FAM184A: variants seen among roughly 807,000 people sequenced by gnomAD.
The protein encoded by FAM184A is family with sequence similarity 184 member A, also known as protein FAM184A.
FAM184A carries 99 observed loss-of-function variants against 143.8 expected under a neutral mutation model. That is an observed-to-expected ratio of 0.69 (90% CI 0.58 to 0.81). The LOEUF (loss-of-function observed/expected upper bound fraction) is 0.81, where lower values mean the gene tolerates loss of function less well. FAM184A is among the 40% of genes least tolerant of loss of function. The pLI, the probability that FAM184A is intolerant of heterozygous loss-of-function variation, is 0.00. For synonymous variants in FAM184A, 427 were observed against 446.4 expected, an observed-to-expected ratio of 0.96 and a Z score of 0.55; for missense variants, 1,217 against 1,310.5, an observed-to-expected ratio of 0.93 and a Z score of 1.10.
At chr6:119,010,641 T>C (rs1275757400) in intron 6 of FAM184A, among the ~76,000 whole-genome samples, 1 of 152,182 alleles carries the variant, frequency 6.6e-6, no homozygotes, top group Non-Finnish European at 1.5e-5. Context: ...CTTTTTAAAT[T>C]TTGCTTATGG....
At chr6:119,021,358 T>C (rs1446569703) in intron 3 of FAM184A, among the ~76,000 whole-genome samples, 1 of 152,148 alleles carries the variant, frequency 6.6e-6, no homozygotes, top group African/African-American at 2.4e-5. Context: ...ACCCACTTCC[T>C]CCAGTAATGG....
intron 1 of FAM184A, among the ~76,000 whole-genome samples, chr6:119,071,210 G>A (rs562010943): frequency 4.0e-4 from 61 of 152,144 alleles, no homozygotes; most frequent in African/African-American, 1.4e-3. Flanking sequence ...GGCTAGCAAA[G>A]GATTTTCATA....
chr6:119,088,152 C>A (rs1788276003), intron 1 of FAM184A, among the ~76,000 whole-genome samples: 1 of 152,010 alleles, frequency 6.6e-6, no homozygotes, highest in African/African-American at 2.4e-5. Context: ...GAAAAAGGTC[C>A]AGAAATGAAT....
intron 9 of FAM184A, among the ~76,000 whole-genome samples, chr6:118,998,688 G>A (rs561846002): frequency 6.6e-6 from 1 of 152,326 alleles, no homozygotes; most frequent in South Asian, 2.1e-4. Context: ...GGGACTGGTA[G>A]GTGCAAAGTC....
chr6:119,041,800 T>C (rs904649526), intron 1 of FAM184A, among the ~76,000 whole-genome samples: 3 of 152,220 alleles, frequency 2.0e-5, no homozygotes, highest in Non-Finnish European at 2.9e-5. Context: ...CCATTGGTCC[T>C]GCACGGCTAA....
At chr6:119,021,035 T>G (rs1267711482) in intron 3 of FAM184A, among the ~76,000 whole-genome samples, 1 of 152,018 alleles carries the variant, frequency 6.6e-6, no homozygotes, top group Non-Finnish European at 1.5e-5. Flanking sequence ...AAGGCAGAGG[T>G]TCTCAAAGTA....
At chr6:119,124,558 C>A (rs1331958312) in intron 1 of FAM184A, among the ~76,000 whole-genome samples, 1 of 151,946 alleles carries the variant, frequency 6.6e-6, no homozygotes, top group African/African-American at 2.4e-5. Flanking sequence ...TTAAAAAGAC[C>A]ATTATATGCT....
chr6:119,077,196 T>TACAGTTGAG (rs1462087823), intron 1 of FAM184A, among the ~76,000 whole-genome samples: 5 of 152,188 alleles, frequency 3.3e-5, no homozygotes, highest in Admixed American at 3.3e-4. Flanking sequence ...GTGAGAACTT[T>TACAGTTGAG]ACAGTTGAGT....
At chr6:119,016,718 A>G (rs965683743) in intron 5 of FAM184A, 29 bp downstream of exon 5, 2 of 1,560,844 alleles carry the variant, frequency 1.3e-6, no homozygotes, top group East Asian at 2.2e-5. Flanking sequence ...TCAATTTACA[A>G]TGCAATGATA....
chr6:119,030,124 G>T (rs1329398354), intron 1 of FAM184A, among the ~76,000 whole-genome samples: 1 of 152,062 alleles, frequency 6.6e-6, no homozygotes, highest in African/African-American at 2.4e-5. Context: ...TTTTATAAAA[G>T]AATATATATT....
At chr6:119,007,802 G>A (rs146050114) in intron 6 of FAM184A, among the ~76,000 whole-genome samples, 3,217 of 152,210 alleles carry the variant, frequency 0.021, 56 homozygotes, top group Middle Eastern at 0.037. Context: ...GTAGCCGGGT[G>A]TGGTGGCGCG....
chr6:119,084,512 C>A (rs1788162803), intron 1 of FAM184A, among the ~76,000 whole-genome samples: 1 of 152,214 alleles, frequency 6.6e-6, no homozygotes, highest in African/African-American at 2.4e-5. Context: ...AGGGTTCAGG[C>A]CCCACAGTTG....
chr6:119,067,316 T>C (rs1787492295), intron 1 of FAM184A, among the ~76,000 whole-genome samples: 1 of 152,162 alleles, frequency 6.6e-6, no homozygotes, highest in African/African-American at 2.4e-5. Context: ...TGAGGGTGTT[T>C]AGGGTGGTAA....
At chr6:118,978,147 G>C (rs1246816707) in intron 11 of FAM184A, among the ~76,000 whole-genome samples, 1 of 152,048 alleles carries the variant, frequency 6.6e-6, no homozygotes, top group African/African-American at 2.4e-5. Context: ...ATTTTTAGTA[G>C]AGATGCAGTT....
intron 1 of FAM184A, among the ~76,000 whole-genome samples, chr6:119,121,628 A>G (rs1255287079): frequency 1.3e-5 from 2 of 152,202 alleles, no homozygotes; most frequent in African/African-American, 4.8e-5. Flanking sequence ...CTGACATTCT[A>G]ATGAGGACAT....
intron 1 of FAM184A, among the ~76,000 whole-genome samples, chr6:119,113,409 A>G (rs148359049): frequency 1.3e-5 from 2 of 151,996 alleles, no homozygotes; most frequent in East Asian, 3.9e-4. Flanking sequence ...TGGTGCCTGG[A>G]TGTGGAGACT....
chr6:119,002,569 A>C (rs1407690531), intron 9 of FAM184A, among the ~76,000 whole-genome samples: 1 of 152,144 alleles, frequency 6.6e-6, no homozygotes, highest in Non-Finnish European at 1.5e-5. Flanking sequence ...TGTTGCCCAA[A>C]CAGTATCTAA....
At chr6:119,133,498 C>A (rs1340774379) in intron 1 of FAM184A, among the ~76,000 whole-genome samples, 1 of 152,056 alleles carries the variant, frequency 6.6e-6, no homozygotes, top group African/African-American at 2.4e-5. Context: ...AAGGGAAAGC[C>A]TCAGCCTACC....
Position 119,091,974 on chromosome 6 carries a change from A to G in FAM184A, c.-202+57104T>C, listed in dbSNP as rs189823401. On this transcript the variant is annotated intron_variant, in intron 1 of 16. Coordinates refer to the FAM184A transcript ENST00000352896. ...TTGCACTAGCATTGGAGTGCCAAGA[A>G]TAGAGGCTGGCTGACATCTACCCAA... 1.2e-3 allele frequency among the ~76,000 whole-genome samples: 181 copies of G among 152,298 alleles called. 1 individual carries two copies. The highest frequency in any genetic ancestry group is 4.0e-3 in the African/African-American group (167 of 41,570).
Sources: gnomAD v4.1 joint callset for allele counts (sites outside exome capture counted in the v4.1 genomes callset) on GRCh38, gnomAD v4.1.1 for gene constraint, MANE v1.5 for transcripts, NCBI Gene and HGNC (gene_info 2026-07-23, HGNC 2026-07-21) for gene names.